The following CYP3A7 variants were observed in gnomAD, a reference collection of about 807,000 sequenced individuals.
The protein encoded by CYP3A7 is cytochrome P450 3A7.
A neutral mutation model predicts 55.2 loss-of-function variants in CYP3A7; 45 were observed. That is an observed-to-expected ratio of 0.82 (90% CI 0.64 to 1.05). The LOEUF is 1.05. Ranked by LOEUF, CYP3A7 falls within the 50% of genes least tolerant of loss-of-function variation. CYP3A7 has a pLI of 0.00. For synonymous variants in CYP3A7, 180 were observed against 207.4 expected (o/e 0.87, Z 1.13); for missense variants, 548 against 605.3 (o/e 0.91, Z 0.99).
rs753175222 is a variant in CYP3A7, at chr7:99,714,574, C to A, written c.779G>T (p.Arg260Leu). 6.2e-7 allele frequency: 1 copy of A among 1,612,824 alleles called. No individual in the cohort carries two copies. The highest frequency in any genetic ancestry group is 1.1e-5 in the South Asian group (1 of 91,010). Residue 260 changes from arginine (R) to leucine (L), a missense_variant, in exon 8 of 13, where the codon CGC becomes CTC. Transcript: ENST00000336374. ...TTTTACCTTTTGTGTCTCTTTGAGG[C>A]GACCTTCTTTTATCTGTTTTACAGA... ...TKSVKQIKEG[R>L]LKETQKHRVD...
At chr7:99,722,370 T>C in intron 2 of CYP3A7, 22 bp from the exon 3 acceptor site, 7 of 1,612,350 alleles carry the variant, frequency 4.3e-6, no homozygotes, top group Non-Finnish European at 5.9e-6. Flanking sequence ...AACAAAATAA[T>C]ATTTCATTAT....
chr7:99,719,155 G>A (rs1011596583), intron 4 of CYP3A7, among the ~76,000 whole-genome samples: 4 of 152,136 alleles, frequency 2.6e-5, no homozygotes, highest in Non-Finnish European at 5.9e-5. Flanking sequence ...GACTCATTCT[G>A]AATTTTTATG....
intron 4 of CYP3A7, among the ~76,000 whole-genome samples, chr7:99,718,071 A>G (rs1159307267): frequency 7.2e-5 from 11 of 152,090 alleles, no homozygotes; most frequent in African/African-American, 1.4e-4. Flanking sequence ...AAAATATACA[A>G]TGAGAACACA....
In CYP3A7 at chr7:99,715,082, G is replaced by A. The variant is rs182013337; in HGVS notation, c.671-400C>T. On this transcript the variant is annotated intron_variant, in intron 7 of 12. Coordinates refer to ENST00000336374, the MANE Select transcript of CYP3A7 (RefSeq NM_000765.5). ...AGTGTATCTCTGTCACCTATCATAG[G>A]ATAAAGCTAAAATCAATAAGGTAAC... is the stretch of plus-strand genomic sequence containing the variant. Among the ~76,000 whole-genome samples, 12 of 152,286 alleles carry A rather than the reference G, an allele frequency of 7.9e-5. 1 individual carries two copies. Among genetic ancestry groups the A allele is most frequent in the African/African-American group, 2.9e-4 (12 of 41,554 alleles).
At chr7:99,725,577 C>A (rs1814379055) in intron 2 of CYP3A7, among the ~76,000 whole-genome samples, 1 of 152,246 alleles carries the variant, frequency 6.6e-6, no homozygotes, top group South Asian at 2.1e-4. Flanking sequence ...TCAGAAGGCC[C>A]ACAGCCTGGG....
Position 99,723,376 on chromosome 7 carries a change from C to A in CYP3A7, c.166-1028G>T, listed in dbSNP as rs151287567. Among the ~76,000 whole-genome samples, 952 of 152,276 alleles carry A rather than the reference C, an allele frequency of 6.3e-3. 7 individuals carry two copies. Among genetic ancestry groups the A allele is most frequent in the Non-Finnish European group, 9.2e-3 (627 of 68,008 alleles). On this transcript the variant is annotated intron_variant, in intron 2 of 12. Coordinates refer to ENST00000336374, the MANE Select transcript of CYP3A7 (RefSeq NM_000765.5). ...GATCTCCCTACCATGCACCTTGTGA[C>A]CCCCTCCTCTGCTGACAATAGATAA... is the stretch of plus-strand genomic sequence containing the variant.
At position 99,731,071 on chromosome 7, in the gene CYP3A7, C is replaced by T. The variant is rs902784850; in HGVS notation, c.153G>A (p.Leu51=). 34 of 1,613,778 alleles carry T rather than the reference C, an allele frequency of 2.1e-5. No homozygotes were observed. Among genetic ancestry groups the T allele is most frequent in the Non-Finnish European group, 2.6e-5 (31 of 1,179,766 alleles). The part of the protein sequence containing the change: ...PTPLPFLGNA[L]SFRKGYWTFD... ...CAAAAACACTCACCTTACGGAAGGA[C>T]AAAGCATTTCCCAAAAAAGGCAGAG... Residue 51 remains leucine, a synonymous_variant, in exon 2 of 13, where the codon TTG becomes TTA. Coordinates refer to ENST00000336374, the MANE Select transcript of CYP3A7 (RefSeq NM_000765.5).
At chr7:99,724,386 A>G (rs933027927) in intron 2 of CYP3A7, among the ~76,000 whole-genome samples, 1 of 152,184 alleles carries the variant, frequency 6.6e-6, no homozygotes, top group Non-Finnish European at 1.5e-5. Flanking sequence ...AAATGGTCTG[A>G]GGTGCCTGAC....
At chr7:99,731,510 C>G (rs193187719) in intron 1 of CYP3A7, among the ~76,000 whole-genome samples, 1 of 152,272 alleles carries the variant, frequency 6.6e-6, no homozygotes, top group Admixed American at 6.5e-5. Flanking sequence ...GGACTCTTCC[C>G]TGATTTTGGG....
At chr7:99,730,277 T>A (rs1421722866) in intron 2 of CYP3A7, among the ~76,000 whole-genome samples, 1 of 152,218 alleles carries the variant, frequency 6.6e-6, no homozygotes, top group African/African-American at 2.4e-5. Context: ...TGATTTTGCA[T>A]GTGATTCTGC....
intron 2 of CYP3A7, among the ~76,000 whole-genome samples, chr7:99,727,176 G>T (rs1410032504): frequency 6.6e-6 from 1 of 152,160 alleles, no homozygotes; most frequent in South Asian, 2.1e-4. Context: ...CACAGCCAAA[G>T]TGCAGGGCTG....
chr7:99,709,805 CAT>C (rs1433358953), intron 10 of CYP3A7, among the ~76,000 whole-genome samples: 1 of 150,672 alleles, frequency 6.6e-6, no homozygotes, highest in Non-Finnish European at 1.5e-5. Flanking sequence ...TATATATATG[CAT>C]ATATACACAA....
At chr7:99,722,248 C>G (rs766640001) in intron 3 of CYP3A7, 48 bp downstream of exon 3, 11 of 1,611,826 alleles carry the variant, frequency 6.8e-6, no homozygotes, top group Non-Finnish European at 9.3e-6. Context: ...GTGGGGTAAA[C>G]TCATCATAGA....
Position 99,718,593 on chromosome 7 carries a change from A to T in CYP3A7, c.319-954T>A, listed in dbSNP as rs530136098. 2.6e-5 allele frequency among the ~76,000 whole-genome samples: 4 copies of T among 152,328 alleles called. 1 individual carries two copies. Among genetic ancestry groups the T allele is most frequent in the African/African-American group, 9.6e-5 (4 of 41,590 alleles). On this transcript the variant is annotated intron_variant, in intron 4 of 12. Transcript: ENST00000336374. Reference sequence around the variant, plus strand: ...CACTTCATCTAAATCATTCTTGATGATGAAAGACCAAATGCTTCCTTCCTA... The same window carrying T: ...CACTTCATCTAAATCATTCTTGATGTTGAAAGACCAAATGCTTCCTTCCTA...
At chr7:99,711,032 T>C in intron 9 of CYP3A7, 140 bp from the exon 10 acceptor site, 1 of 1,411,284 alleles carries the variant, frequency 7.1e-7, no homozygotes, top group Non-Finnish European at 9.6e-7. Flanking sequence ...CTGGGGGTGG[T>C]TTCACTCTGA....
intron 8 of CYP3A7, 41 bp downstream of exon 8, chr7:99,714,514 T>C: frequency 1.2e-6 from 2 of 1,608,062 alleles, no homozygotes; most frequent in Non-Finnish European, 1.7e-6. Context: ...TAAAAAATTA[T>C]GAAAACTAAA....
chr7:99,722,769 C>T (rs1814253716), intron 2 of CYP3A7, among the ~76,000 whole-genome samples: 2 of 152,126 alleles, frequency 1.3e-5, no homozygotes, highest in African/African-American at 4.8e-5. Flanking sequence ...GTTCTTCATC[C>T]TTTTCATTTA....
At chr7:99,722,068 T>C (rs1450871897) in intron 3 of CYP3A7, among the ~76,000 whole-genome samples, 1 of 152,236 alleles carries the variant, frequency 6.6e-6, no homozygotes, top group Admixed American at 6.5e-5. Flanking sequence ...CATCTTTGTC[T>C]TCCTTTACCT....
At chr7:99,712,007 T>C (rs1813765968) in intron 9 of CYP3A7, among the ~76,000 whole-genome samples, 1 of 152,176 alleles carries the variant, frequency 6.6e-6, no homozygotes, top group Non-Finnish European at 1.5e-5. Context: ...AAAAGCTAGA[T>C]GAGTGGTGAT....
Sources: gnomAD v4.1 joint callset for allele counts (sites outside exome capture counted in the v4.1 genomes callset) on GRCh38, gnomAD v4.1.1 for gene constraint, MANE v1.5 for transcripts, NCBI Gene and HGNC (gene_info 2026-07-23, HGNC 2026-07-21) for gene names.